Variants in DPP10 observed in about 807,000 individuals in gnomAD.
The protein encoded by DPP10 is dipeptidyl peptidase like 10, also known as inactive dipeptidyl peptidase 10.
DPP10 carries 33 observed loss-of-function variants against 120.9 expected under a neutral mutation model. The observed-to-expected ratio is 0.27, with a 90% CI of 0.21 to 0.37. The LOEUF (loss-of-function observed/expected upper bound fraction) is 0.37, where lower values mean the gene tolerates loss of function less well. DPP10 is among the 10% of genes least tolerant of loss of function. The pLI, the probability that DPP10 is intolerant of heterozygous loss-of-function variation, is 1.00. For synonymous variants in DPP10, 337 were observed against 326.1 expected (o/e 1.03, Z -0.36); for missense variants, 816 against 942.8 (o/e 0.87, Z 1.76).
intron 1 of DPP10, among the ~76,000 whole-genome samples, chr2:114,973,257 C>T (rs147458493): frequency 1.3e-5 from 2 of 152,058 alleles, no homozygotes; most frequent in Non-Finnish European, 2.9e-5. Flanking sequence ...AAGTATACCA[C>T]ATGCAATTAT....
intron 1 of DPP10, among the ~76,000 whole-genome samples, chr2:114,568,316 C>T (rs1275886225): frequency 6.6e-6 from 1 of 152,098 alleles, no homozygotes; most frequent in Non-Finnish European, 1.5e-5. Context: ...AAAGTTCTAA[C>T]TTCTGGTTAC....
chr2:115,250,868 C>T (rs1445037807), intron 1 of DPP10, among the ~76,000 whole-genome samples: 2 of 152,134 alleles, frequency 1.3e-5, no homozygotes, highest in Non-Finnish European at 2.9e-5. Context: ...TACTGAACTC[C>T]AGTAAAATGA....
intron 12 of DPP10, among the ~76,000 whole-genome samples, chr2:115,766,075 T>A (rs1393884945): frequency 6.6e-6 from 1 of 151,854 alleles, no homozygotes; most frequent in Non-Finnish European, 1.5e-5. Flanking sequence ...CTGTTTCAGG[T>A]GCTGCAGATG....
At chr2:115,625,045 A>G (rs563658534) in intron 5 of DPP10, among the ~76,000 whole-genome samples, 3 of 151,782 alleles carry the variant, frequency 2.0e-5, no homozygotes, top group African/African-American at 7.3e-5. Flanking sequence ...AAATATATAA[A>G]TAACGATATG....
chr2:115,462,822 C>G (rs1314982304), intron 3 of DPP10, among the ~76,000 whole-genome samples: 1 of 152,062 alleles, frequency 6.6e-6, no homozygotes, highest in Non-Finnish European at 1.5e-5. Context: ...CTCTGCCTCC[C>G]AGGCTCAAGC....
At chr2:115,495,943 C>A (rs554243963) in intron 3 of DPP10, among the ~76,000 whole-genome samples, 1 of 152,108 alleles carries the variant, frequency 6.6e-6, no homozygotes, top group Non-Finnish European at 1.5e-5. Flanking sequence ...CTACCTTAAT[C>A]TTTCCATGTT....
intron 1 of DPP10, among the ~76,000 whole-genome samples, chr2:114,978,374 T>G (rs1699880493): frequency 6.6e-6 from 1 of 152,154 alleles, no homozygotes; most frequent in Non-Finnish European, 1.5e-5. Flanking sequence ...ATACTGCCTA[T>G]CCAGGGTACC....
chr2:114,803,956 GC>G (rs1684492014), intron 1 of DPP10, among the ~76,000 whole-genome samples: 1 of 152,220 alleles, frequency 6.6e-6, no homozygotes, highest in Non-Finnish European at 1.5e-5. Flanking sequence ...CTTCACAGCA[GC>G]CCTTCCCATC....
At chr2:114,844,414 T>G (rs1390629131) in intron 1 of DPP10, among the ~76,000 whole-genome samples, 1 of 151,584 alleles carries the variant, frequency 6.6e-6, no homozygotes, top group Admixed American at 6.6e-5. Flanking sequence ...GAGATCTTTT[T>G]GACAACTTAA....
intron 9 of DPP10, 130 bp from the exon 10 acceptor site, chr2:115,745,956 T>A (rs1335372279): frequency 1.6e-6 from 1 of 622,034 alleles, no homozygotes; most frequent in Non-Finnish European, 2.7e-6. Context: ...AAATCATTTC[T>A]ACTTCAGAGA....
chr2:114,814,315 T>C (rs1347771715), intron 1 of DPP10, among the ~76,000 whole-genome samples: 1 of 152,120 alleles, frequency 6.6e-6, no homozygotes, highest in Non-Finnish European at 1.5e-5. Context: ...GTGTTAGCTA[T>C]GTTCAAATTG....
chr2:114,886,612 G>A (rs995122668), intron 1 of DPP10, among the ~76,000 whole-genome samples: 18 of 152,158 alleles, frequency 1.2e-4, no homozygotes, highest in Admixed American at 8.5e-4. Context: ...TAAAACTATA[G>A]AGATTTATTA....
At chr2:114,510,648 G>C (rs1280557393) in intron 1 of DPP10, among the ~76,000 whole-genome samples, 1 of 152,062 alleles carries the variant, frequency 6.6e-6, no homozygotes, top group Non-Finnish European at 1.5e-5. Context: ...AATCCTAAAT[G>C]GGTTAATGCA....
intron 3 of DPP10, among the ~76,000 whole-genome samples, chr2:115,411,428 G>GA (rs1221863875): frequency 2.0e-4 from 31 of 152,012 alleles, no homozygotes; most frequent in South Asian, 6.2e-4. Context: ...GGTTTATTGG[G>GA]AAAAAAAATT....
intron 2 of DPP10, among the ~76,000 whole-genome samples, chr2:115,321,302 AAAAG>A (rs1436558792): frequency 2.0e-5 from 3 of 152,144 alleles, no homozygotes; most frequent in East Asian, 3.9e-4. Context: ...ACCCCATCTC[AAAAG>A]AAAGAAAGAA....
chr2:114,891,149 C>A (rs1692510705), intron 1 of DPP10, among the ~76,000 whole-genome samples: 1 of 151,978 alleles, frequency 6.6e-6, no homozygotes, highest in Non-Finnish European at 1.5e-5. Context: ...CTCATCCCAA[C>A]CATTTCTGTG....
intron 21 of DPP10, among the ~76,000 whole-genome samples, chr2:115,827,715 C>T (rs1688522271): frequency 6.6e-6 from 1 of 151,622 alleles, no homozygotes; most frequent in Admixed American, 6.6e-5. Flanking sequence ...CCTGCCTCAG[C>T]CTCCCCAGTA....
intron 1 of DPP10, among the ~76,000 whole-genome samples, chr2:115,002,005 C>T (rs549896434): frequency 9.2e-5 from 14 of 152,260 alleles, no homozygotes; most frequent in South Asian, 6.2e-4. Flanking sequence ...CTAACAATGA[C>T]ATTCCTCACA....
intron 1 of DPP10, among the ~76,000 whole-genome samples, chr2:114,732,865 A>G (rs1181547526): frequency 2.0e-5 from 3 of 152,178 alleles, no homozygotes; most frequent in Non-Finnish European, 2.9e-5. Context: ...TGGCACAGAG[A>G]AGAAAAGAAA....
Sources: gnomAD v4.1 joint callset for allele counts (sites outside exome capture counted in the v4.1 genomes callset) on GRCh38, gnomAD v4.1.1 for gene constraint, MANE v1.5 for transcripts, NCBI Gene and HGNC (gene_info 2026-07-23, HGNC 2026-07-21) for gene names.